WWOX: variants seen among roughly 807,000 people sequenced by gnomAD.
WWOX encodes WW domain-containing oxidoreductase.
A neutral mutation model predicts 46.2 loss-of-function variants in WWOX; 69 were observed. The observed-to-expected ratio is 1.49, with a 90% CI of 1.23 to 1.82. The LOEUF is 1.82. WWOX is among the 40% of genes most tolerant of loss of function. WWOX has a pLI of 0.00. For synonymous variants in WWOX, 359 were observed against 202.6 expected, an observed-to-expected ratio of 1.77 and a Z score of -6.56; for missense variants, 919 against 542.6, an observed-to-expected ratio of 1.69 and a Z score of -6.89.
At chr16:78,887,334 C>G (rs1567627440) in intron 8 of WWOX, among the ~76,000 whole-genome samples, 2 of 151,948 alleles carry the variant, frequency 1.3e-5, no homozygotes, top group Non-Finnish European at 2.9e-5. Flanking sequence ...TCTGTTGTAG[C>G]TTTTCTTTCC....
Position 79,064,149 on chromosome 16 carries a change from C to T in WWOX, c.1057-147459C>T, listed in dbSNP as rs76136765. Among the ~76,000 whole-genome samples the T allele has an allele frequency of 3.5e-3, 530 of 152,344 alleles. 1 individual carries two copies. Among genetic ancestry groups the T allele is most frequent in the Non-Finnish European group, 5.7e-3 (391 of 68,028 alleles). On this transcript the variant is annotated intron_variant, in intron 8 of 8. Coordinates refer to ENST00000566780, the MANE Select transcript of WWOX (RefSeq NM_016373.4). ...TAGCTGATAGAGAGTTTTCTTCCATCACAGGCAAAATGTGGGTTTAGATGC... is the reference window on the plus strand; with the variant it reads ...TAGCTGATAGAGAGTTTTCTTCCATTACAGGCAAAATGTGGGTTTAGATGC...
At chr16:78,690,255 A>G (rs1015973810) in intron 8 of WWOX, among the ~76,000 whole-genome samples, 3 of 152,122 alleles carry the variant, frequency 2.0e-5, no homozygotes, top group Non-Finnish European at 2.9e-5. Context: ...GTGAACACAT[A>G]AATAATGTTT....
chr16:79,181,618 A>G (rs999169870), intron 8 of WWOX, among the ~76,000 whole-genome samples: 3 of 152,098 alleles, frequency 2.0e-5, no homozygotes, highest in African/African-American at 7.2e-5. Context: ...TTTGCTTAAC[A>G]TCCCCCTTAT....
intron 8 of WWOX, among the ~76,000 whole-genome samples, chr16:78,662,233 T>G (rs1164028911): frequency 6.6e-6 from 1 of 152,084 alleles, no homozygotes; most frequent in Non-Finnish European, 1.5e-5. Context: ...AGGCCAGATC[T>G]TAGAACCTCC....
intron 8 of WWOX, among the ~76,000 whole-genome samples, chr16:78,570,238 A>C (rs938749992): frequency 6.6e-6 from 1 of 152,186 alleles, no homozygotes; most frequent in African/African-American, 2.4e-5. Context: ...CTGGGGCCCA[A>C]GTGTTTTATT....
intron 5 of WWOX, among the ~76,000 whole-genome samples, chr16:78,178,145 C>A (rs527623462): frequency 6.6e-6 from 1 of 152,166 alleles, no homozygotes; most frequent in South Asian, 2.1e-4. Context: ...TAATTATACC[C>A]GGAGAGCAGG....
At chr16:78,360,819 C>T (rs1235542555) in intron 5 of WWOX, among the ~76,000 whole-genome samples, 1 of 69,148 alleles carries the variant, frequency 1.4e-5, no homozygotes, top group Non-Finnish European at 3.2e-5. Context: ...TCCTTGGTGC[C>T]TTTAGTGCTT....
At chr16:79,208,587 G>A (rs558695727) in intron 8 of WWOX, among the ~76,000 whole-genome samples, 99 of 152,006 alleles carry the variant, frequency 6.5e-4, no homozygotes, top group South Asian at 1.7e-3. Context: ...CCCAAAAGGT[G>A]GTATGAATGA....
chr16:78,569,261 T>C (rs148562740), intron 8 of WWOX, among the ~76,000 whole-genome samples: 1 of 152,340 alleles, frequency 6.6e-6, no homozygotes, highest in East Asian at 1.9e-4. Flanking sequence ...TATATTGTTA[T>C]TAAAACAAGT....
intron 8 of WWOX, among the ~76,000 whole-genome samples, chr16:79,136,152 A>G (rs904243121): frequency 1.3e-5 from 2 of 152,152 alleles, no homozygotes; most frequent in African/African-American, 4.8e-5. Flanking sequence ...TTGCCTGAAC[A>G]GGAAATATTT....
At chr16:79,189,423 TTGTGTGTGTGTG>T (rs4035319) in intron 8 of WWOX, among the ~76,000 whole-genome samples, 1,293 of 114,956 alleles carry the variant, frequency 0.011, 13 homozygotes, top group African/African-American at 0.036. Context: ...ACTCCCAGCT[TTGTGTGTGTGTG>T]TGTGTGTGTG....
At chr16:78,375,322 G>A (rs1407863098) in intron 5 of WWOX, among the ~76,000 whole-genome samples, 1 of 152,232 alleles carries the variant, frequency 6.6e-6, no homozygotes, top group African/African-American at 2.4e-5. Context: ...TGAAGAACCA[G>A]GAGAAATGCC....
chr16:78,716,715 C>T (rs2142339793), intron 8 of WWOX, among the ~76,000 whole-genome samples: 1 of 151,988 alleles, frequency 6.6e-6, no homozygotes, highest in Non-Finnish European at 1.5e-5. Flanking sequence ...GAGAGATTTT[C>T]TTAGAGGTGT....
intron 8 of WWOX, among the ~76,000 whole-genome samples, chr16:79,154,911 A>G (rs1431321062): frequency 2.0e-5 from 3 of 152,222 alleles, no homozygotes; most frequent in Non-Finnish European, 4.4e-5. Flanking sequence ...GGTTTTGGAA[A>G]AAATGAAAGA....
intron 8 of WWOX, among the ~76,000 whole-genome samples, chr16:78,973,059 G>A (rs146046128): frequency 8.5e-4 from 129 of 152,292 alleles, no homozygotes; most frequent in African/African-American, 3.1e-3. Flanking sequence ...TTTCCCCTGG[G>A]ATTAAACAGC....
At chr16:79,041,533 G>A (rs1021396267) in intron 8 of WWOX, among the ~76,000 whole-genome samples, 2 of 152,150 alleles carry the variant, frequency 1.3e-5, no homozygotes, top group African/African-American at 2.4e-5. Flanking sequence ...CTCATCAGCT[G>A]CTTAGCAGGG....
chr16:78,229,500 C>CTATCTATA (rs1555506138), intron 5 of WWOX, among the ~76,000 whole-genome samples: 5 of 110,530 alleles, frequency 4.5e-5, no homozygotes, highest in African/African-American at 1.6e-4. Context: ...ATATATTTAT[C>CTATCTATA]TATATCTATA....
intron 8 of WWOX, among the ~76,000 whole-genome samples, chr16:78,605,905 T>C (rs1567431274): frequency 6.6e-6 from 1 of 152,230 alleles, no homozygotes; most frequent in Non-Finnish European, 1.5e-5. Context: ...TTCAAATACC[T>C]CTTGCATGGA....
At chr16:78,926,076 G>A (rs2045490787) in intron 8 of WWOX, among the ~76,000 whole-genome samples, 1 of 152,192 alleles carries the variant, frequency 6.6e-6, no homozygotes, top group African/African-American at 2.4e-5. Flanking sequence ...GCTGCTCTTG[G>A]TAGAGGTTTA....
Sources: gnomAD v4.1 joint callset for allele counts (sites outside exome capture counted in the v4.1 genomes callset) on GRCh38, gnomAD v4.1.1 for gene constraint, MANE v1.5 for transcripts, NCBI Gene and HGNC (gene_info 2026-07-23, HGNC 2026-07-21) for gene names.